Variants in FRMD6 observed in about 807,000 individuals in gnomAD.
The protein encoded by FRMD6 is FERM domain-containing protein 6.
Under a neutral mutation model 73.2 loss-of-function variants are expected in FRMD6, and 37 were observed. That is an observed-to-expected ratio of 0.51 (90% CI 0.39 to 0.66). The LOEUF (loss-of-function observed/expected upper bound fraction) is 0.66, where lower values mean the gene tolerates loss of function less well. Among genes scored for constraint, FRMD6 ranks in the 30% least tolerant of loss-of-function variants. FRMD6 has a pLI of 0.00. For missense variants in FRMD6, 714 were observed against 780.5 expected (o/e 0.91, Z 1.02); for synonymous variants, 273 against 282.2 (o/e 0.97, Z 0.33).
At chr14:51,550,585 C>CG (rs1038615438) in intron 1 of FRMD6, among the ~76,000 whole-genome samples, 2 of 151,046 alleles carry the variant, frequency 1.3e-5, no homozygotes, top group Admixed American at 1.3e-4. Flanking sequence ...AGGAGACCCC[C>CG]CCGCCATGCT....
At chr14:51,632,120 C>T (rs1032838369) in intron 2 of FRMD6, among the ~76,000 whole-genome samples, 2 of 152,194 alleles carry the variant, frequency 1.3e-5, no homozygotes, top group African/African-American at 4.8e-5. Flanking sequence ...TTTTATCCCC[C>T]TTTGCTTGGT....
At chr14:51,449,921 T>C in the FRMD6 span, among the ~76,000 whole-genome samples, 4 of 152,326 alleles carry the variant, frequency 2.6e-5, no homozygotes, top group South Asian at 6.2e-4. Context: ...CAGCTGGGGA[T>C]TTCAGCTATT....
In FRMD6 at chr14:51,689,703, C is replaced by T. The variant is rs761402729; in HGVS notation, c.-134C>T. The T allele has an allele frequency of 9.1e-6, 6 of 659,774 alleles. No individual in the cohort carries two copies. The highest frequency in any genetic ancestry group is 2.7e-5 in the East Asian group (1 of 37,462). The allele number at this position is 659,774 out of a possible 1,614,324, so 40.9% of individuals were successfully genotyped here. ...GGCTTTTTCACAGCTATGAAACCCA[C>T]GTAGTCGAACACCGTGATGCTTCTC... On this transcript the variant is annotated 5_prime_UTR_variant, in exon 2 of 14. In the 5' UTR this introduces an upstream ATG that the reference lacks. Transcript: ENST00000344768.
chr14:51,461,596 A>G, the FRMD6 span, among the ~76,000 whole-genome samples: 2 of 152,236 alleles, frequency 1.3e-5, no homozygotes, highest in African/African-American at 4.8e-5. Context: ...TGGTCTTTTG[A>G]TGTCCTTCAA....
the FRMD6 span, among the ~76,000 whole-genome samples, chr14:51,414,752 G>A: frequency 6.6e-6 from 1 of 152,108 alleles, no homozygotes; most frequent in Non-Finnish European, 1.5e-5. Context: ...GGGCATTATG[G>A]CCATTTTCCC....
intron 2 of FRMD6, chr14:51,692,959 T>G (rs1486247579): frequency 1.3e-5 from 2 of 152,188 alleles, no homozygotes; most frequent in Non-Finnish European, 2.9e-5. Context: ...CCACCTAGTT[T>G]CTTTCACTCT....
chr14:51,586,346 AT>A (rs1293579083), intron 2 of FRMD6, among the ~76,000 whole-genome samples: 7 of 152,096 alleles, frequency 4.6e-5, no homozygotes, highest in Admixed American at 3.3e-4. Context: ...GATGTTGAAC[AT>A]TTTTTCATAT....
intron 2 of FRMD6, among the ~76,000 whole-genome samples, chr14:51,573,768 G>A (rs1888260853): frequency 6.6e-6 from 1 of 152,166 alleles, no homozygotes; most frequent in South Asian, 2.1e-4. Flanking sequence ...AAGCAAGGTA[G>A]GAGGCAGATG....
At chr14:51,547,325 G>A (rs559297047) in intron 1 of FRMD6, among the ~76,000 whole-genome samples, 145 of 152,268 alleles carry the variant, frequency 9.5e-4, no homozygotes, top group Middle Eastern at 3.4e-3. Flanking sequence ...TGTACATCTT[G>A]CTCTCTGCTG....
the FRMD6 span, among the ~76,000 whole-genome samples, chr14:51,430,017 A>C: frequency 6.6e-6 from 1 of 152,208 alleles, no homozygotes; most frequent in African/African-American, 2.4e-5. Flanking sequence ...GCCCATTTTA[A>C]ATGCATGAAG....
chr14:51,660,323 G>C (rs1893128527), intron 1 of FRMD6, among the ~76,000 whole-genome samples: 1 of 152,016 alleles, frequency 6.6e-6, no homozygotes, highest in Non-Finnish European at 1.5e-5. Flanking sequence ...TTCGTTTTAG[G>C]GTCCAAAATC....
At chr14:51,668,055 A>G (rs1389128398) in intron 1 of FRMD6, among the ~76,000 whole-genome samples, 1 of 152,192 alleles carries the variant, frequency 6.6e-6, no homozygotes, top group Non-Finnish European at 1.5e-5. Flanking sequence ...ACTGCCTTAC[A>G]TATTCTTGAA....
rs373760904 is a variant in FRMD6, at chr14:51,561,728, T to C, written c.-209-8620T>C. Reference sequence around the variant, plus strand: ...GCAGAGATTTCCATGTTAATGGATATGTCAACCTTATTCAGTGAAAAAGAA... The same window carrying C: ...GCAGAGATTTCCATGTTAATGGATACGTCAACCTTATTCAGTGAAAAAGAA... On this transcript the variant is annotated intron_variant, in intron 1 of 14. Transcript: ENST00000356218. Among the ~76,000 whole-genome samples the C allele has an allele frequency of 3.4e-4, 52 of 152,306 alleles. 1 individual carries two copies. In the South Asian group the frequency reaches 0.011, roughly 31 times the overall value.
intron 2 of FRMD6, among the ~76,000 whole-genome samples, chr14:51,600,302 A>G (rs983452733): frequency 1.3e-5 from 2 of 152,156 alleles, no homozygotes; most frequent in Non-Finnish European, 2.9e-5. Flanking sequence ...GTAACATTTC[A>G]GAAAAGCACC....
chr14:51,656,892 G>A (rs1456041975), intron 1 of FRMD6, among the ~76,000 whole-genome samples: 3 of 152,098 alleles, frequency 2.0e-5, no homozygotes, highest in Non-Finnish European at 2.9e-5. Flanking sequence ...ATTCCAAATG[G>A]ATCCTCTTGG....
chr14:51,447,894 A>G, the FRMD6 span, among the ~76,000 whole-genome samples: 2,304 of 152,134 alleles, frequency 0.015, 31 homozygotes, highest in Middle Eastern at 0.048. Flanking sequence ...TTATTTTCTT[A>G]TTGCTTTGAC....
the FRMD6 span, among the ~76,000 whole-genome samples, chr14:51,420,778 A>G: frequency 6.6e-6 from 1 of 152,030 alleles, no homozygotes; most frequent in African/African-American, 2.4e-5. Flanking sequence ...ATTTTATTTT[A>G]TTTTATTATT....
the FRMD6 span, among the ~76,000 whole-genome samples, chr14:51,420,644 C>T: frequency 1.3e-5 from 2 of 152,166 alleles, no homozygotes; most frequent in Non-Finnish European, 2.9e-5. Flanking sequence ...CCTTATCATT[C>T]CCTAAACAAT....
the FRMD6 span, among the ~76,000 whole-genome samples, chr14:51,416,573 C>A: frequency 6.6e-6 from 1 of 152,094 alleles, no homozygotes; most frequent in Admixed American, 6.5e-5. Flanking sequence ...TTACTTCCAA[C>A]TATGTGGTCA....
Sources: allele counts gnomAD v4.1 joint callset (sites outside exome capture counted in the v4.1 genomes callset), GRCh38; gene constraint gnomAD v4.1.1; transcripts MANE v1.5; gene names NCBI Gene and HGNC (gene_info 2026-07-23, HGNC 2026-07-21).